The following ARK2N variants were observed in gnomAD, a reference collection of about 807,000 sequenced individuals.
The protein encoded by ARK2N is arkadia (RNF111) N-terminal like PKA signaling regulator 2N, also known as protein ARK2N.
chr18:46,263,530 C>T, the ARK2N span: 196 of 163,134 alleles, frequency 1.2e-3, 1 homozygote, highest in African/African-American at 4.1e-3. Flanking sequence ...TCTGCCCACC[C>T]CATTGGCACT....
chr18:46,176,891 C>T, the ARK2N span, among the ~76,000 whole-genome samples: 2,036 of 152,284 alleles, frequency 0.013, 19 homozygotes, highest in Non-Finnish European at 0.021. Context: ...GCTGGGATTA[C>T]AGGTGTGAGC....
At chr18:46,263,188 C>A in the ARK2N span, 1 of 1,422,838 alleles carries the variant, frequency 7.0e-7, no homozygotes, top group Non-Finnish European at 9.5e-7. Context: ...CATGGAAGTT[C>A]ATTGTCATAG....
At chr18:46,212,238 T>C in the ARK2N span, among the ~76,000 whole-genome samples, 1 of 152,176 alleles carries the variant, frequency 6.6e-6, no homozygotes, top group Non-Finnish European at 1.5e-5. Flanking sequence ...TTCAGAAGAC[T>C]TTTATGTCAG....
the ARK2N span, chr18:46,217,732 T>C: frequency 6.6e-6 from 1 of 152,194 alleles, no homozygotes; most frequent in Non-Finnish European, 1.5e-5. Context: ...CTTGTCCATA[T>C]AATATAAATA....
chr18:46,213,109 C>T, the ARK2N span, among the ~76,000 whole-genome samples: 2 of 138,660 alleles, frequency 1.4e-5, no homozygotes, highest in African/African-American at 5.3e-5. Context: ...TCAAGTGATT[C>T]TCCTGCTTCA....
the ARK2N span, among the ~76,000 whole-genome samples, chr18:46,223,537 G>A: frequency 6.6e-6 from 1 of 152,166 alleles, no homozygotes; most frequent in African/African-American, 2.4e-5. Flanking sequence ...TGAGACAGGG[G>A]AAACTTCTCT....
At chr18:46,191,781 A>G in the ARK2N span, among the ~76,000 whole-genome samples, 2 of 152,160 alleles carry the variant, frequency 1.3e-5, no homozygotes, top group Admixed American at 6.6e-5. Context: ...AGCGTCATAC[A>G]GAGTAGTTTG....
At chr18:46,192,775 G>A in the ARK2N span, among the ~76,000 whole-genome samples, 1 of 151,232 alleles carries the variant, frequency 6.6e-6, no homozygotes, top group African/African-American at 2.4e-5. Flanking sequence ...TCACTATGTT[G>A]GCCAGGCTGG....
the ARK2N span, among the ~76,000 whole-genome samples, chr18:46,237,505 A>G: frequency 6.6e-6 from 1 of 150,800 alleles, no homozygotes; most frequent in African/African-American, 2.4e-5. Context: ...CTCGTGCCTC[A>G]GCCTCCCAAG....
chr18:46,204,512 T>C, the ARK2N span, among the ~76,000 whole-genome samples: 2 of 152,224 alleles, frequency 1.3e-5, no homozygotes, highest in Admixed American at 6.5e-5. Context: ...TCAGTGTTGC[T>C]TTGTAAAATA....
the ARK2N span, among the ~76,000 whole-genome samples, chr18:46,174,872 C>T: frequency 1.3e-5 from 2 of 152,222 alleles, no homozygotes; most frequent in African/African-American, 4.8e-5. Flanking sequence ...CCGCAGTGGC[C>T]TTGGTGGAGG....
chr18:46,186,454 A>G, the ARK2N span, among the ~76,000 whole-genome samples: 2 of 150,162 alleles, frequency 1.3e-5, no homozygotes, highest in African/African-American at 4.9e-5. Flanking sequence ...TTGGTCTCCC[A>G]AAGTGGTGGG....
At chr18:46,174,542 C>T in the ARK2N span, among the ~76,000 whole-genome samples, 1 of 152,128 alleles carries the variant, frequency 6.6e-6, no homozygotes, top group African/African-American at 2.4e-5. Flanking sequence ...GGCATCGCAC[C>T]TCTCCGACCT....
chr18:46,240,156 C>T, the ARK2N span: 6 of 1,614,040 alleles, frequency 3.7e-6, no homozygotes, highest in Non-Finnish European at 5.1e-6. Context: ...GGAGGACCAG[C>T]GGGCTTCTAG....
the ARK2N span, chr18:46,263,080 A>G: frequency 6.2e-7 from 1 of 1,614,036 alleles, no homozygotes; most frequent in Non-Finnish European, 8.5e-7. Flanking sequence ...TGTTGACCTT[A>G]CCTTGGATGA....
At chr18:46,225,702 C>T in the ARK2N span, among the ~76,000 whole-genome samples, 1 of 152,214 alleles carries the variant, frequency 6.6e-6, no homozygotes, top group African/African-American at 2.4e-5. Flanking sequence ...CCTCGTGCTC[C>T]GCCCACCTTA....
chr18:46,261,495 T>C, the ARK2N span, among the ~76,000 whole-genome samples: 1 of 152,382 alleles, frequency 6.6e-6, no homozygotes, highest in African/African-American at 2.4e-5. Context: ...AAACCATTTC[T>C]ATAAATGTTG....
the ARK2N span, among the ~76,000 whole-genome samples, chr18:46,248,906 C>A: frequency 6.6e-6 from 1 of 152,092 alleles, no homozygotes; most frequent in Non-Finnish European, 1.5e-5. Flanking sequence ...GCAGCTACTT[C>A]CACCACACTA....
the ARK2N span, among the ~76,000 whole-genome samples, chr18:46,230,684 G>T: frequency 2.0e-5 from 3 of 152,216 alleles, no homozygotes; most frequent in South Asian, 4.1e-4. Flanking sequence ...TCATGGGAGA[G>T]AATTAAAAGG....
Sources: gnomAD v4.1 joint callset for allele counts (sites outside exome capture counted in the v4.1 genomes callset) on GRCh38, gnomAD v4.1.1 for gene constraint, MANE v1.5 for transcripts, NCBI Gene and HGNC (gene_info 2026-07-23, HGNC 2026-07-21) for gene names.